MAPK10: variants seen among roughly 807,000 people sequenced by gnomAD.
The protein encoded by MAPK10 is JNK3 alpha protein kinase.
Under a neutral mutation model 59.3 loss-of-function variants are expected in MAPK10, and 25 were observed. That is an observed-to-expected ratio of 0.42 (90% confidence interval 0.31 to 0.59). MAPK10 has a LOEUF of 0.59. Ranked by LOEUF, MAPK10 falls within the 20% of genes least tolerant of loss-of-function variation. The pLI, the probability that MAPK10 is intolerant of heterozygous loss-of-function variation, is 0.15. For missense variants in MAPK10, 351 were observed against 568.9 expected, an observed-to-expected ratio of 0.62 and a Z score of 3.90; for synonymous variants, 190 against 200.5, an observed-to-expected ratio of 0.95 and a Z score of 0.44.
At chr4:86,260,223 T>G (rs1413592041) in intron 2 of MAPK10, among the ~76,000 whole-genome samples, 2 of 152,102 alleles carry the variant, frequency 1.3e-5, no homozygotes, top group Non-Finnish European at 2.9e-5. Context: ...ATTCTAGAGC[T>G]TCTGTGTTCA....
At chr4:86,532,554 C>A (rs931624054) in intron 1 of MAPK10, among the ~76,000 whole-genome samples, 3 of 152,196 alleles carry the variant, frequency 2.0e-5, no homozygotes, top group Non-Finnish European at 4.4e-5. Flanking sequence ...TGGAGTAAAT[C>A]ATTGTTCCAG....
In MAPK10 at chr4:86,017,428, GC is replaced by G; in HGVS notation, c.1253-59del. ...AATCTAGAACCAGACCCATCTTAATGCCATTCAGGATTCAGGGATGGGCAAA... is the reference window on the plus strand; with the variant it reads ...AATCTAGAACCAGACCCATCTTAATGCATTCAGGATTCAGGGATGGGCAAA... On this transcript the variant is annotated intron_variant, in intron 13 of 13. Coordinates refer to ENST00000641462, the MANE Select transcript of MAPK10 (RefSeq NM_138982.4). The surrounding 1 kb of genome is among the most constrained non-coding windows in gnomAD (Gnocchi z 4.4). 6.3e-7 allele frequency: 1 copy of G among 1,596,240 alleles called. No individual in the cohort carries two copies. The highest frequency in any genetic ancestry group is 8.6e-7 in the Non-Finnish European group (1 of 1,166,888).
chr4:86,273,921 A>T (rs1264027931), intron 2 of MAPK10, among the ~76,000 whole-genome samples: 1 of 149,630 alleles, frequency 6.7e-6, no homozygotes, highest in African/African-American at 2.6e-5. Flanking sequence ...ACTGATTTTT[A>T]TCAAAATGTG....
In MAPK10 at chr4:86,187,567, G is replaced by A. The variant is rs901209196; in HGVS notation, c.66+6769C>T. ...GTGGAAACCGAAACCACAGATAAGG[G>A]GGGACTACTGTAAAGAATGAAACTA... On this transcript the variant is annotated intron_variant, in intron 3 of 13. Transcript: ENST00000641462. Among the ~76,000 whole-genome samples the A allele has an allele frequency of 2.0e-5, 3 of 152,040 alleles. No individual in the cohort carries two copies. In the East Asian group the frequency reaches 5.8e-4, roughly 29 times the overall value.
intron 2 of MAPK10, among the ~76,000 whole-genome samples, chr4:86,277,735 T>C (rs954674602): frequency 4.6e-5 from 7 of 152,122 alleles, no homozygotes; most frequent in Non-Finnish European, 1.0e-4. Flanking sequence ...ACATCAAACA[T>C]TGGCTTATTA....
At chr4:86,551,042 A>G (rs1397941351) in intron 1 of MAPK10, among the ~76,000 whole-genome samples, 3 of 152,220 alleles carry the variant, frequency 2.0e-5, no homozygotes, top group Admixed American at 2.0e-4. Context: ...GTTTGCCTGA[A>G]ATTAAAGAAG....
intron 2 of MAPK10, among the ~76,000 whole-genome samples, chr4:86,276,081 A>T (rs776722985): frequency 5.9e-5 from 9 of 152,166 alleles, no homozygotes; most frequent in Admixed American, 1.3e-4. Context: ...TTTAACACTA[A>T]CTCTGAAAAC....
chr4:86,292,202 G>A (rs957905338), intron 2 of MAPK10, among the ~76,000 whole-genome samples: 7 of 152,172 alleles, frequency 4.6e-5, no homozygotes, highest in Admixed American at 2.6e-4. Flanking sequence ...AAAAAGTTAA[G>A]AGGAACATCT....
intron 2 of MAPK10, among the ~76,000 whole-genome samples, chr4:86,331,214 AG>A (rs1355374805): frequency 4.6e-5 from 7 of 152,184 alleles, no homozygotes; most frequent in Non-Finnish European, 8.8e-5. Flanking sequence ...AAGTTCTTAA[AG>A]CCAAAGCCTT....
intron 9 of MAPK10, chr4:86,090,926 T>C (rs1240175372): frequency 6.6e-6 from 1 of 152,160 alleles, no homozygotes; most frequent in East Asian, 1.9e-4. Flanking sequence ...AAAATTGTTT[T>C]TTACAATATC....
At chr4:86,074,348 A>G (rs1379722115) in intron 9 of MAPK10, among the ~76,000 whole-genome samples, 6 of 149,910 alleles carry the variant, frequency 4.0e-5, no homozygotes, top group African/African-American at 1.2e-4. Context: ...TCTTTATCCA[A>G]TTTGCCAGTC....
chr4:86,194,064 C>G, intron 3 of MAPK10: 1 of 404,080 alleles, frequency 2.5e-6, no homozygotes, highest in Non-Finnish European at 4.5e-6. Flanking sequence ...AGCTCACCCT[C>G]TGTGGGCTGC....
chr4:86,066,975 G>A (rs893435976), intron 10 of MAPK10, among the ~76,000 whole-genome samples: 1 of 151,638 alleles, frequency 6.6e-6, no homozygotes, highest in Admixed American at 6.6e-5. Flanking sequence ...CTTCTCTTTG[G>A]TTATTTGTAT....
At chr4:86,274,249 G>A (rs2094509996) in intron 2 of MAPK10, among the ~76,000 whole-genome samples, 1 of 151,846 alleles carries the variant, frequency 6.6e-6, no homozygotes, top group Non-Finnish European at 1.5e-5. Context: ...ACTGGATTTT[G>A]ATACAACATT....
intron 1 of MAPK10, among the ~76,000 whole-genome samples, chr4:86,503,569 C>T (rs2149080345): frequency 6.6e-6 from 1 of 152,180 alleles, no homozygotes; most frequent in East Asian, 1.9e-4. Context: ...GTCAGTTCTC[C>T]ATCCTCATCT....
chr4:86,277,730 A>T (rs1238327963), intron 2 of MAPK10, among the ~76,000 whole-genome samples: 1 of 152,108 alleles, frequency 6.6e-6, no homozygotes, highest in Non-Finnish European at 1.5e-5. Context: ...GTGGCACATC[A>T]AACATTGGCT....
At chr4:86,583,632 T>G (rs1302720911) in intron 1 of MAPK10, among the ~76,000 whole-genome samples, 1 of 152,188 alleles carries the variant, frequency 6.6e-6, no homozygotes, top group Non-Finnish European at 1.5e-5. Flanking sequence ...GGATTGGATA[T>G]TGTTGAGCTA....
intron 2 of MAPK10, among the ~76,000 whole-genome samples, chr4:86,236,373 G>A (rs1025696856): frequency 6.6e-6 from 1 of 152,204 alleles, no homozygotes; most frequent in South Asian, 2.1e-4. Context: ...CCTGAAAGAT[G>A]AGTAGATGTT....
At chr4:86,214,033 T>A (rs1304191027) in intron 2 of MAPK10, among the ~76,000 whole-genome samples, 3 of 152,074 alleles carry the variant, frequency 2.0e-5, no homozygotes, top group Non-Finnish European at 2.9e-5. Context: ...TTATATACTA[T>A]GACCAAGTGA....
Sources: gnomAD v4.1 joint callset for allele counts (sites outside exome capture counted in the v4.1 genomes callset) on GRCh38, gnomAD v4.1.1 for gene constraint, Gnocchi (gnomAD v3.1) non-coding constraint, MANE v1.5 for transcripts, NCBI Gene and HGNC (gene_info 2026-07-23, HGNC 2026-07-21) for gene names.